Variants in EGFR observed in about 807,000 individuals in gnomAD.
EGFR encodes the protein avian erythroblastic leukemia viral (v-erb-b) oncogene homolog.
EGFR carries 58 observed loss-of-function variants against 143.0 expected under a neutral mutation model. The observed-to-expected ratio is 0.41, with a 90% confidence interval of 0.33 to 0.50. The LOEUF (loss-of-function observed/expected upper bound fraction) is 0.50, where lower values mean the gene tolerates loss of function less well. EGFR is among the 20% of genes least tolerant of loss of function. The pLI, the probability that EGFR is intolerant of heterozygous loss-of-function variation, is 0.39. For missense variants in EGFR, 1,307 were observed against 1,579.0 expected, an observed-to-expected ratio of 0.83 and a Z score of 2.92; for synonymous variants, 613 against 594.4, an observed-to-expected ratio of 1.03 and a Z score of -0.45.
chr7:55,065,815 T>C (rs1010626683), intron 1 of EGFR, among the ~76,000 whole-genome samples: 9 of 148,336 alleles, frequency 6.1e-5, no homozygotes, highest in African/African-American at 2.3e-4. Context: ...GACAACATAG[T>C]AAGTGACTAA....
intron 1 of EGFR, among the ~76,000 whole-genome samples, chr7:55,019,878 C>T (rs1212421062): frequency 6.6e-6 from 1 of 152,174 alleles, no homozygotes. Context: ...ATACAGCCTC[C>T]CCTCGGACCC....
intron 22 of EGFR, among the ~76,000 whole-genome samples, chr7:55,194,421 T>C (rs1195804836): frequency 6.6e-6 from 1 of 151,968 alleles, no homozygotes; most frequent in African/African-American, 2.4e-5. Flanking sequence ...TGAGACAGGG[T>C]TTCACTATGT....
At chr7:55,177,375 T>A (rs1277051446) in intron 19 of EGFR, among the ~76,000 whole-genome samples, 2 of 152,208 alleles carry the variant, frequency 1.3e-5, no homozygotes. Context: ...TGGGGCCATG[T>A]GTGCTCTTAG....
intron 1 of EGFR, among the ~76,000 whole-genome samples, chr7:55,099,647 C>G (rs1256855262): frequency 1.3e-5 from 2 of 152,196 alleles, no homozygotes; most frequent in African/African-American, 4.8e-5. Context: ...CTGTGTCCAC[C>G]TGGGACTCTG....
intron 1 of EGFR, among the ~76,000 whole-genome samples, chr7:55,124,202 A>G (rs1793383826): frequency 3.9e-5 from 6 of 152,248 alleles, no homozygotes; most frequent in Admixed American, 3.9e-4. Context: ...TGCTATTGTC[A>G]GAAAATGTCC....
chr7:55,031,729 C>T (rs1787259106), intron 1 of EGFR, among the ~76,000 whole-genome samples: 1 of 152,328 alleles, frequency 6.6e-6, no homozygotes, highest in South Asian at 2.1e-4. Context: ...TAAGTAGTCA[C>T]GAACTCAAGG....
intron 20 of EGFR, among the ~76,000 whole-genome samples, chr7:55,188,677 C>T (rs1382763017): frequency 6.6e-6 from 1 of 152,134 alleles, no homozygotes; most frequent in East Asian, 1.9e-4. Context: ...GCTCACAGGC[C>T]GTATCGCAGC....
chr7:55,134,990 A>G (rs979308021), intron 1 of EGFR, among the ~76,000 whole-genome samples: 2 of 152,208 alleles, frequency 1.3e-5, no homozygotes, highest in Non-Finnish European at 2.9e-5. Flanking sequence ...CCATAATGGT[A>G]CCATCACAAT....
chr7:55,196,725 A>ATC (rs1037394419), intron 22 of EGFR, among the ~76,000 whole-genome samples: 5 of 149,738 alleles, frequency 3.3e-5, no homozygotes, highest in Non-Finnish European at 7.4e-5. Flanking sequence ...TCCAGTTTCA[A>ATC]TCTTCTTCAT....
intron 4 of EGFR, among the ~76,000 whole-genome samples, chr7:55,147,006 G>C (rs996247009): frequency 6.6e-6 from 1 of 152,162 alleles, no homozygotes; most frequent in Non-Finnish European, 1.5e-5. Flanking sequence ...CTTGTGTCCT[G>C]AGAAGAGCTG....
At chr7:55,139,869 T>A (rs1301614789) in intron 1 of EGFR, among the ~76,000 whole-genome samples, 2 of 152,128 alleles carry the variant, frequency 1.3e-5, no homozygotes, top group Admixed American at 6.5e-5. Flanking sequence ...AAGATTTACA[T>A]CAAGAATATG....
intron 1 of EGFR, among the ~76,000 whole-genome samples, chr7:55,053,713 C>G (rs1788621968): frequency 6.6e-6 from 1 of 152,238 alleles, no homozygotes; most frequent in Non-Finnish European, 1.5e-5. Context: ...CTTGCCGGGC[C>G]AGGCCCGCAG....
At chr7:55,038,744 A>ATGTG (rs3063036) in intron 1 of EGFR, among the ~76,000 whole-genome samples, 160 of 151,544 alleles carry the variant, frequency 1.1e-3, no homozygotes, top group Non-Finnish European at 1.9e-3. Flanking sequence ...GTGTGTGTGT[A>ATGTG]TGTGTGTGTG....
intron 21 of EGFR, among the ~76,000 whole-genome samples, chr7:55,192,129 G>A (rs1052378531): frequency 6.6e-6 from 1 of 152,134 alleles, no homozygotes; most frequent in African/African-American, 2.4e-5. Flanking sequence ...GCAAATGTTA[G>A]GTTTCAGTCT....
chr7:55,168,568 T>G, intron 15 of EGFR: 1 of 1,612,534 alleles, frequency 6.2e-7, no homozygotes, highest in Non-Finnish European at 8.5e-7. Context: ...CCACTAAAAC[T>G]GCATTTCCTT....
intron 1 of EGFR, among the ~76,000 whole-genome samples, chr7:55,095,915 C>A (rs926429557): frequency 4.9e-4 from 74 of 151,200 alleles, no homozygotes; most frequent in Non-Finnish European, 7.4e-5. Flanking sequence ...GACATACATA[C>A]AATACACAGA....
At chr7:55,061,398 G>C (rs1366399047) in intron 1 of EGFR, among the ~76,000 whole-genome samples, 1 of 152,114 alleles carries the variant, frequency 6.6e-6, no homozygotes, top group African/African-American at 2.4e-5. Context: ...CATAATCCCA[G>C]TTTGTGTCTG....
chr7:55,205,923 G>T lies in EGFR; in HGVS notation c.*306G>T. On this transcript the variant is annotated 3_prime_UTR_variant, in exon 28 of 28. Transcript: ENST00000275493. ...GAAAAAAAAAAAAAGTATATGTGAG[G>T]ATTTTTATTGATTGGGGATCTTGGA... is the stretch of plus-strand genomic sequence containing the variant. 4.5e-6 allele frequency: 2 copies of T among 440,464 alleles called. No homozygotes were observed. The highest frequency in any genetic ancestry group is 8.3e-6 in the Non-Finnish European group (2 of 242,182). 27.3% of individuals were successfully genotyped at this position (440,464 alleles called of 1,614,324 possible). A position where few individuals can be genotyped will look rare whatever the true frequency, so the allele number is the denominator to read the frequency against.
chr7:55,159,879 A>T (rs1202863605), intron 11 of EGFR, among the ~76,000 whole-genome samples: 1 of 152,200 alleles, frequency 6.6e-6, no homozygotes, highest in African/African-American at 2.4e-5. Flanking sequence ...AAATATAATG[A>T]CATTAAGGCA....
Sources: gnomAD v4.1 joint callset for allele counts (sites outside exome capture counted in the v4.1 genomes callset) on GRCh38, gnomAD v4.1.1 for gene constraint, MANE v1.5 for transcripts, NCBI Gene and HGNC (gene_info 2026-07-23, HGNC 2026-07-21) for gene names.